DACH2: variants seen among roughly 807,000 people sequenced by gnomAD.
DACH2 encodes the protein dachshund homolog 2.
Under a neutral mutation model 35.8 loss-of-function variants are expected in DACH2, and 17 were observed. The observed-to-expected ratio is 0.48, with a 90% CI of 0.33 to 0.71. DACH2 has a LOEUF of 0.71. DACH2 is among the 30% of genes least tolerant of loss of function. The probability of loss-of-function intolerance (pLI) is 0.02; values close to 1 mark genes in which losing one functional copy is unlikely to be tolerated. For synonymous variants in DACH2, 195 were observed against 177.3 expected, an observed-to-expected ratio of 1.10 and a Z score of -0.79; for missense variants, 469 against 472.7, an observed-to-expected ratio of 0.99 and a Z score of 0.07.
At chrX:86,183,092 T>A (rs2031552685) in intron 1 of DACH2, among the ~76,000 whole-genome samples, 1 of 111,510 alleles carries the variant, frequency 9.0e-6, no homozygotes, top group Non-Finnish European at 1.9e-5. Context: ...GATGATGGGG[T>A]TTTCTAAATG....
At chrX:86,219,533 A>G (rs1185956238) in intron 1 of DACH2, among the ~76,000 whole-genome samples, 7 of 111,309 alleles carry the variant, frequency 6.3e-5, no homozygotes, top group Admixed American at 9.6e-5. Flanking sequence ...TTAAATAGTA[A>G]TGATTGATAA....
intron 2 of DACH2, among the ~76,000 whole-genome samples, chrX:86,389,220 G>A (rs2036165826): frequency 8.9e-6 from 1 of 111,913 alleles, no homozygotes; most frequent in South Asian, 3.6e-4. Flanking sequence ...ACTCTTGCAA[G>A]TATGTTCTTG....
At chrX:86,600,330 A>G (rs1342795191) in intron 3 of DACH2, among the ~76,000 whole-genome samples, 1 of 112,189 alleles carries the variant, frequency 8.9e-6, no homozygotes, top group African/African-American at 3.2e-5. Context: ...TTCCATGAAA[A>G]CTTTTGGGTT....
chrX:86,289,096 G>T (rs753009339), intron 1 of DACH2, among the ~76,000 whole-genome samples: 9 of 109,428 alleles, frequency 8.2e-5, no homozygotes, highest in Non-Finnish European at 1.5e-4. Context: ...CAGTTAGCAG[G>T]TGATGACTTC....
intron 1 of DACH2, among the ~76,000 whole-genome samples, chrX:86,292,688 G>C (rs1258194526): frequency 9.0e-6 from 1 of 111,578 alleles, no homozygotes; most frequent in East Asian, 2.8e-4. Context: ...TATGTACTCA[G>C]TAGTCATTCA....
intron 1 of DACH2, among the ~76,000 whole-genome samples, chrX:86,373,704 A>G (rs1234950849): frequency 9.0e-6 from 1 of 111,228 alleles, no homozygotes; most frequent in Non-Finnish European, 1.9e-5. Flanking sequence ...AGGCACCCCC[A>G]TTATATCACA....
intron 3 of DACH2, among the ~76,000 whole-genome samples, chrX:86,532,998 T>C (rs1161015421): frequency 7.1e-5 from 8 of 112,212 alleles, no homozygotes; most frequent in African/African-American, 2.6e-4. Context: ...GTTTTGTTCA[T>C]TTGACTAGCA....
intron 1 of DACH2, among the ~76,000 whole-genome samples, chrX:86,337,653 A>G (rs913729004): frequency 9.8e-5 from 11 of 112,184 alleles, no homozygotes; most frequent in African/African-American, 3.6e-4. Flanking sequence ...AACTGGATTA[A>G]CTAATAGGCA....
intron 7 of DACH2, among the ~76,000 whole-genome samples, chrX:86,744,157 A>C (rs2041686424): frequency 9.0e-6 from 1 of 111,421 alleles, no homozygotes; most frequent in Non-Finnish European, 1.9e-5. Context: ...ATATAGTAGT[A>C]TGCACTGGTA....
intron 2 of DACH2, among the ~76,000 whole-genome samples, chrX:86,476,763 C>T (rs760689571): frequency 9.0e-6 from 1 of 111,202 alleles, no homozygotes; most frequent in East Asian, 2.8e-4. Flanking sequence ...AGTTTTTCTT[C>T]TTTTTATGGT....
intron 3 of DACH2, among the ~76,000 whole-genome samples, chrX:86,607,862 G>A (rs1167854644): frequency 9.5e-6 from 1 of 104,838 alleles, no homozygotes; most frequent in African/African-American, 3.5e-5. Flanking sequence ...TTTTGTTCTT[G>A]CGATAGTTTA....
At chrX:86,450,919 T>C (rs1050826413) in intron 2 of DACH2, among the ~76,000 whole-genome samples, 3 of 111,500 alleles carry the variant, frequency 2.7e-5, no homozygotes, top group African/African-American at 9.8e-5. Flanking sequence ...ATGGGGTTGT[T>C]TTTTTCTTGT....
intron 6 of DACH2, among the ~76,000 whole-genome samples, chrX:86,717,221 A>T (rs1487782568): frequency 1.8e-5 from 2 of 111,390 alleles, no homozygotes; most frequent in Non-Finnish European, 3.8e-5. Context: ...GTAATCTCTC[A>T]TCATGCACCC....
chrX:86,484,544 TTAAG>T (rs2037990637), intron 2 of DACH2, among the ~76,000 whole-genome samples: 1 of 112,369 alleles, frequency 8.9e-6, no homozygotes, highest in Admixed American at 9.5e-5. Context: ...TAGATTTTAA[TTAAG>T]TATCTTCAAA....
intron 7 of DACH2, among the ~76,000 whole-genome samples, chrX:86,755,220 T>C (rs1050465399): frequency 8.9e-5 from 10 of 111,899 alleles, no homozygotes; most frequent in South Asian, 3.7e-4. Flanking sequence ...ACGTCTTCCT[T>C]TGAGAAGTGT....
chrX:86,491,555 G>C (rs1416374448), intron 2 of DACH2, among the ~76,000 whole-genome samples: 2 of 111,512 alleles, frequency 1.8e-5, no homozygotes, highest in African/African-American at 3.3e-5. Flanking sequence ...CATTTTCAGA[G>C]TGTTTCCACC....
chrX:86,775,636 T>C (rs932586352), intron 7 of DACH2, among the ~76,000 whole-genome samples: 1 of 111,831 alleles, frequency 8.9e-6, no homozygotes, highest in African/African-American at 3.2e-5. Context: ...GTTCAGAGGC[T>C]AATAATGTGC....
intron 1 of DACH2, among the ~76,000 whole-genome samples, chrX:86,332,384 G>A (rs996536973): frequency 2.7e-5 from 3 of 111,354 alleles, no homozygotes; most frequent in East Asian, 2.8e-4. Flanking sequence ...ATTTTTGTAT[G>A]AGTAGTCTAA....
At position 86,636,430 on chromosome X, in the gene DACH2, A is replaced by C. The variant is rs746598018; in HGVS notation, c.641-14606A>C. On this transcript the variant is annotated intron_variant, in intron 3 of 11. Transcript: ENST00000373125. ...CCCATTGCATTGCAGCCTGGGCAGC[A>C]AGAGTGAAACTCCATCTCAAAATAA... is the stretch of plus-strand genomic sequence containing the variant. Among the ~76,000 whole-genome samples, 139 of 111,478 alleles carry C rather than the reference A, an allele frequency of 1.2e-3. 1 individual carries two copies. The highest frequency in any genetic ancestry group is 5.6e-3 in the Admixed American group (58 of 10,441).
Sources: allele counts gnomAD v4.1 joint callset (sites outside exome capture counted in the v4.1 genomes callset), GRCh38; gene constraint gnomAD v4.1.1; transcripts MANE v1.5; gene names NCBI Gene and HGNC (gene_info 2026-07-23, HGNC 2026-07-21).